The following KCNG3 variants were observed in gnomAD, a reference collection of about 807,000 sequenced individuals.
KCNG3 encodes the protein voltage-gated potassium channel regulatory subunit KCNG3.
A neutral mutation model predicts 29.0 loss-of-function variants in KCNG3; 15 were observed. The ratio of observed to expected loss-of-function variants is 0.52; its 90% CI spans 0.35 to 0.80. The LOEUF (loss-of-function observed/expected upper bound fraction) is 0.80, where lower values mean the gene tolerates loss of function less well. Among genes scored for constraint, KCNG3 ranks in the 30% least tolerant of loss-of-function variants. The pLI is 0.01. For missense variants in KCNG3, 512 were observed against 605.7 expected (o/e 0.85, Z 1.62); for synonymous variants, 322 against 248.9 (o/e 1.29, Z -2.76).
intron 1 of KCNG3, among the ~76,000 whole-genome samples, chr2:42,459,749 G>C (rs1672969415): frequency 6.6e-6 from 1 of 152,176 alleles, no homozygotes; most frequent in African/African-American, 2.4e-5. Context: ...GGTCAAGGCG[G>C]GTGGATCATG....
the KCNG3 span, among the ~76,000 whole-genome samples, chr2:42,429,829 G>A: frequency 1.3e-5 from 2 of 152,112 alleles, no homozygotes; most frequent in South Asian, 2.1e-4. Flanking sequence ...GAGAAGATAC[G>A]GGAAAAGAAG....
the KCNG3 span, among the ~76,000 whole-genome samples, chr2:42,418,341 T>C: frequency 6.6e-6 from 1 of 152,196 alleles, no homozygotes; most frequent in Non-Finnish European, 1.5e-5. Flanking sequence ...TATCCATTCA[T>C]CTGTTTATGG....
chr2:42,390,150 A>AT, the KCNG3 span, among the ~76,000 whole-genome samples: 4 of 152,202 alleles, frequency 2.6e-5, no homozygotes. Flanking sequence ...CAGCACCAAA[A>AT]TTGGATTTTG....
intron 1 of KCNG3, among the ~76,000 whole-genome samples, chr2:42,446,165 T>G (rs1047711556): frequency 1.3e-5 from 2 of 151,788 alleles, no homozygotes; most frequent in African/African-American, 4.8e-5. Context: ...AATTTTAAAT[T>G]TAATTAACAT....
the KCNG3 span, among the ~76,000 whole-genome samples, chr2:42,424,306 C>T: frequency 6.6e-6 from 1 of 152,084 alleles, no homozygotes; most frequent in Non-Finnish European, 1.5e-5. Context: ...CTCTGACAAC[C>T]TTGCCACAGA....
Position 42,493,655 on chromosome 2 carries a change from G to C in KCNG3, c.-154C>G, listed in dbSNP as rs975676931. The C allele has an allele frequency of 7.6e-6, 4 of 527,624 alleles. No homozygotes were observed. The highest frequency in any genetic ancestry group is 8.5e-6 in the Non-Finnish European group (3 of 352,460). 32.7% of individuals were successfully genotyped at this position (527,624 alleles called of 1,614,324 possible). A position where few individuals can be genotyped will look rare whatever the true frequency, so the allele number is the denominator to read the frequency against. Reference sequence around the variant, plus strand: ...CTCCGCTCCTGCCCTCCGCTGGCCCGGGGGTCCCTGGGCTCGAGTATCTCC... The same window carrying C: ...CTCCGCTCCTGCCCTCCGCTGGCCCCGGGGTCCCTGGGCTCGAGTATCTCC... On this transcript the variant is annotated 5_prime_UTR_variant, in exon 1 of 2. Coordinates refer to ENST00000306078, the MANE Select transcript of KCNG3 (RefSeq NM_133329.6).
At position 42,450,906 on chromosome 2, in the gene KCNG3, T is replaced by C. The variant is rs150881091; in HGVS notation, c.666-6327A>G. Among the ~76,000 whole-genome samples, 1,108 of 152,276 alleles carry C rather than the reference T, an allele frequency of 7.3e-3. 26 individuals carry two copies. Among genetic ancestry groups the C allele is most frequent in the Non-Finnish European group, 5.0e-3 (338 of 68,024 alleles). On this transcript the variant is annotated intron_variant, in intron 1 of 1. Transcript: ENST00000306078. ...GCAAATGATTTTATGACAATGTCCA[T>C]TGTTAAGATTAAATGGGGCCAGAAG...
intron 1 of KCNG3, among the ~76,000 whole-genome samples, chr2:42,467,745 A>G (rs2103701304): frequency 6.6e-6 from 1 of 151,646 alleles, no homozygotes; most frequent in East Asian, 1.9e-4. Context: ...CAAGGCAGGC[A>G]GACTGCTTGA....
the KCNG3 span, among the ~76,000 whole-genome samples, chr2:42,423,507 T>C: frequency 3.3e-5 from 5 of 152,204 alleles, no homozygotes; most frequent in South Asian, 4.1e-4. Context: ...CAAGTGCAAC[T>C]GCCAAAACAT....
At chr2:42,476,282 G>A (rs1399469391) in intron 1 of KCNG3, among the ~76,000 whole-genome samples, 1 of 150,756 alleles carries the variant, frequency 6.6e-6, no homozygotes, top group Non-Finnish European at 1.5e-5. Context: ...GACCAGCCTG[G>A]GCAACATAGA....
At chr2:42,449,753 G>A (rs62144765) in intron 1 of KCNG3, among the ~76,000 whole-genome samples, 1 of 152,052 alleles carries the variant, frequency 6.6e-6, no homozygotes, top group Non-Finnish European at 1.5e-5. Context: ...ACCCAGCCTG[G>A]GATTTCTAAA....
the KCNG3 span, among the ~76,000 whole-genome samples, chr2:42,431,047 A>C: frequency 6.6e-6 from 1 of 151,260 alleles, no homozygotes; most frequent in South Asian, 2.1e-4. Context: ...CAGAGGTTGC[A>C]GTGAGCCAAG....
intron 1 of KCNG3, among the ~76,000 whole-genome samples, chr2:42,479,301 T>C (rs1673520804): frequency 6.6e-6 from 1 of 152,120 alleles, no homozygotes; most frequent in African/African-American, 2.4e-5. Context: ...CTCCAAGTAG[T>C]GAATCCTGGT....
At chr2:42,469,988 G>A (rs987420542) in intron 1 of KCNG3, 4 of 489,588 alleles carry the variant, frequency 8.2e-6, no homozygotes, top group African/African-American at 6.0e-5. Context: ...GACACATGGT[G>A]TTGCACAAGT....
chr2:42,462,511 G>A (rs1393314501), intron 1 of KCNG3, among the ~76,000 whole-genome samples: 7 of 151,962 alleles, frequency 4.6e-5, no homozygotes, highest in Admixed American at 2.0e-4. Context: ...GTTAAACCCC[G>A]TCTCTACTAA....
rs1049176220 is a variant in KCNG3, at chr2:42,443,202, G to C, written c.*732C>G. 5 of 152,134 alleles carry C rather than the reference G, an allele frequency of 3.3e-5. No individual in the cohort carries two copies. Among genetic ancestry groups the C allele is most frequent in the Non-Finnish European group, 7.4e-5 (5 of 68,022 alleles). 9.4% of individuals were successfully genotyped at this position (152,134 alleles called of 1,614,324 possible). ...CAGCAATGAATTCAAATATTATCCA[G>C]TAAGATGCTAAACAACACAAGCTCT... On this transcript the variant is annotated 3_prime_UTR_variant, in exon 2 of 2. Coordinates refer to ENST00000306078, the MANE Select transcript of KCNG3 (RefSeq NM_133329.6).
At chr2:42,406,932 A>C in the KCNG3 span, among the ~76,000 whole-genome samples, 1 of 152,060 alleles carries the variant, frequency 6.6e-6, no homozygotes, top group Non-Finnish European at 1.5e-5. Flanking sequence ...TGTGATAAGA[A>C]ACATTCTATA....
At chr2:42,486,008 G>A (rs933323338) in intron 1 of KCNG3, among the ~76,000 whole-genome samples, 3 of 152,152 alleles carry the variant, frequency 2.0e-5, no homozygotes, top group Non-Finnish European at 2.9e-5. Flanking sequence ...CTCTCAATGA[G>A]GACTAAACTC....
chr2:42,485,099 G>A (rs1410821711), intron 1 of KCNG3, among the ~76,000 whole-genome samples: 1 of 152,026 alleles, frequency 6.6e-6, no homozygotes, highest in Non-Finnish European at 1.5e-5. Flanking sequence ...CCATCACCTG[G>A]TGTTTCATTT....
Sources: gnomAD v4.1 joint callset for allele counts (sites outside exome capture counted in the v4.1 genomes callset) on GRCh38, gnomAD v4.1.1 for gene constraint, MANE v1.5 for transcripts, NCBI Gene and HGNC (gene_info 2026-07-23, HGNC 2026-07-21) for gene names.